The following PIK3C2G variants were observed in gnomAD, a reference collection of about 807,000 sequenced individuals.
The protein encoded by PIK3C2G is phosphatidylinositol 3-kinase C2 domain-containing subunit gamma.
A neutral mutation model predicts 181.1 loss-of-function variants in PIK3C2G; 168 were observed. The ratio of observed to expected loss-of-function variants is 0.93; its 90% CI spans 0.82 to 1.05. The LOEUF is 1.05. Among genes scored for constraint, PIK3C2G ranks in the 50% least tolerant of loss-of-function variants. PIK3C2G has a pLI of 0.00. For synonymous variants in PIK3C2G, 573 were observed against 592.2 expected, an observed-to-expected ratio of 0.97 and a Z score of 0.47; for missense variants, 1,869 against 1,732.8, an observed-to-expected ratio of 1.08 and a Z score of -1.40.
chr12:18,438,211 T>G (rs2135806305), intron 18 of PIK3C2G, among the ~76,000 whole-genome samples: 1 of 152,062 alleles, frequency 6.6e-6, no homozygotes, highest in Non-Finnish European at 1.5e-5. Flanking sequence ...AACAATTATT[T>G]ATTCTTAGAC....
the PIK3C2G span, among the ~76,000 whole-genome samples, chr12:18,673,628 T>C: frequency 6.6e-6 from 1 of 152,196 alleles, no homozygotes; most frequent in Non-Finnish European, 1.5e-5. Context: ...AGAATACGCA[T>C]TAATTATCTC....
intron 29 of PIK3C2G, among the ~76,000 whole-genome samples, chr12:18,580,313 T>C (rs1022676550): frequency 2.0e-5 from 3 of 152,214 alleles, no homozygotes; most frequent in Admixed American, 6.5e-5. Flanking sequence ...CTCAGTACTG[T>C]TGTTCATTAC....
chr12:18,558,086 T>G (rs924540005), intron 26 of PIK3C2G, among the ~76,000 whole-genome samples: 2 of 152,134 alleles, frequency 1.3e-5, no homozygotes, highest in African/African-American at 2.4e-5. Context: ...AAATAATCAT[T>G]CTTCTGGATT....
At chr12:18,453,077 A>C (rs1219548214) in intron 18 of PIK3C2G, among the ~76,000 whole-genome samples, 1 of 152,190 alleles carries the variant, frequency 6.6e-6, no homozygotes, top group Non-Finnish European at 1.5e-5. Context: ...GATGTCTATT[A>C]GGTTTGCTTG....
rs1484880473 is a variant in PIK3C2G, at chr12:18,537,163, T to A, written c.3324-993T>A. On this transcript the variant is annotated intron_variant, in intron 24 of 32. Transcript: ENST00000538779. ...TCATTAACTGTCAGATCAGTGAAAT[T>A]TTTCACTCCATTGTATTTTTACTGA... Among the ~76,000 whole-genome samples the A allele has an allele frequency of 2.0e-5, 3 of 151,964 alleles. No individual in the cohort carries two copies. The East Asian group carries it at 5.8e-4, about 29-fold the overall frequency.
intron 18 of PIK3C2G, among the ~76,000 whole-genome samples, chr12:18,485,671 A>C (rs916500076): frequency 6.6e-6 from 1 of 152,228 alleles, no homozygotes; most frequent in African/African-American, 2.4e-5. Flanking sequence ...CTGGCATTTT[A>C]AGATTTACCT....
intron 24 of PIK3C2G, among the ~76,000 whole-genome samples, chr12:18,528,250 G>C (rs951907413): frequency 1.3e-5 from 2 of 152,074 alleles, no homozygotes; most frequent in African/African-American, 4.8e-5. Context: ...CTGAAATGTA[G>C]GTCATTTGTG....
intron 18 of PIK3C2G, among the ~76,000 whole-genome samples, chr12:18,467,629 G>T (rs966563232): frequency 1.3e-5 from 2 of 151,914 alleles, no homozygotes; most frequent in African/African-American, 4.8e-5. Flanking sequence ...GGAATCCACA[G>T]AAATATGCTC....
At chr12:18,275,429 C>T (rs566158258) in intron 1 of PIK3C2G, among the ~76,000 whole-genome samples, 3 of 152,076 alleles carry the variant, frequency 2.0e-5, no homozygotes, top group East Asian at 1.9e-4. Context: ...TTGCCCAGGC[C>T]GGAGTGCAGT....
At chr12:18,471,839 G>A (rs758246052) in intron 18 of PIK3C2G, among the ~76,000 whole-genome samples, 14 of 151,908 alleles carry the variant, frequency 9.2e-5, no homozygotes, top group Non-Finnish European at 1.9e-4. Context: ...TGCTTCAATG[G>A]CTTTCTCATA....
chr12:18,579,356 T>C (rs929603728), intron 29 of PIK3C2G, among the ~76,000 whole-genome samples: 45 of 152,330 alleles, frequency 3.0e-4, no homozygotes, highest in African/African-American at 9.4e-4. Flanking sequence ...TATGTGCCCT[T>C]CTAGTATAAT....
chr12:18,379,515 TA>T (rs1429060502), intron 13 of PIK3C2G, among the ~76,000 whole-genome samples: 1 of 152,128 alleles, frequency 6.6e-6, no homozygotes. Context: ...AAGTATAATT[TA>T]AAAAAATGCT....
rs1030793133 is a variant in PIK3C2G at position 18,543,329 on chromosome 12, G to A, written c.3481-2994G>A. On this transcript the variant is annotated intron_variant, in intron 25 of 32. Transcript: ENST00000538779. ...ACATAGTTTGCAAATATTTTATCTC[G>A]TTCTGTAGGTTGCCCGTTTACTCCG... 4.6e-4 allele frequency among the ~76,000 whole-genome samples: 70 copies of A among 151,646 alleles called. 2 individuals are homozygous for A. Among genetic ancestry groups the A allele is most frequent in the African/African-American group, 4.6e-4 (19 of 41,428 alleles).
chr12:18,613,966 AAAC>A (rs1203783306), intron 31 of PIK3C2G, among the ~76,000 whole-genome samples: 4 of 152,126 alleles, frequency 2.6e-5, no homozygotes, highest in South Asian at 2.1e-4. Flanking sequence ...TGACATATAA[AAAC>A]AACATGTTCT....
At chr12:18,288,484 A>G (rs1425061227) in intron 3 of PIK3C2G, among the ~76,000 whole-genome samples, 1 of 152,192 alleles carries the variant, frequency 6.6e-6, no homozygotes, top group Non-Finnish European at 1.5e-5. Context: ...TACAAAACAA[A>G]TCACCTCAAG....
chr12:18,290,355 G>A (rs1949639255), intron 3 of PIK3C2G, among the ~76,000 whole-genome samples: 1 of 152,176 alleles, frequency 6.6e-6, no homozygotes, highest in Non-Finnish European at 1.5e-5. Flanking sequence ...TCAAGTAGTT[G>A]TGTAGTATCC....
rs142739305 is a variant in PIK3C2G, at chr12:18,621,488, G to T, written c.4182+11859G>T. Among the ~76,000 whole-genome samples the T allele has an allele frequency of 7.1e-3, 1,082 of 151,784 alleles. 7 individuals are homozygous for T. Among genetic ancestry groups the T allele is most frequent in the African/African-American group, 0.01 (415 of 41,464 alleles). On this transcript the variant is annotated intron_variant, in intron 31 of 32. Coordinates refer to ENST00000538779, the MANE Select transcript of PIK3C2G (RefSeq NM_001288772.2). ...TTATATCTACTAGACTGTGACTTCT[G>T]TCCAGTTGATAACTTCGTCAAGTCA... is the stretch of plus-strand genomic sequence containing the variant.
chr12:18,427,244 G>T (rs1200619654), intron 18 of PIK3C2G, among the ~76,000 whole-genome samples: 3 of 151,580 alleles, frequency 2.0e-5, no homozygotes, highest in Non-Finnish European at 4.4e-5. Context: ...GGTGGCTCAC[G>T]TCTGTAATCC....
chr12:18,553,382 C>A (rs1016675885), intron 26 of PIK3C2G, among the ~76,000 whole-genome samples: 3 of 152,056 alleles, frequency 2.0e-5, no homozygotes, highest in Non-Finnish European at 4.4e-5. Flanking sequence ...GTAAGACTAG[C>A]CCATCAACCC....
Sources: gnomAD v4.1 joint callset for allele counts (sites outside exome capture counted in the v4.1 genomes callset) on GRCh38, gnomAD v4.1.1 for gene constraint, MANE v1.5 for transcripts, NCBI Gene and HGNC (gene_info 2026-07-23, HGNC 2026-07-21) for gene names.